Variants in NTRK3 observed in about 807,000 individuals in gnomAD.
NTRK3 encodes the protein neurotrophic receptor tyrosine kinase 3.
A neutral mutation model predicts 91.7 loss-of-function variants in NTRK3; 24 were observed. That is an observed-to-expected ratio of 0.26 (90% CI 0.19 to 0.37). The LOEUF is 0.37. Among genes scored for constraint, NTRK3 ranks in the 10% least tolerant of loss-of-function variants. The pLI is 1.00. For synonymous variants in NTRK3, 483 were observed against 404.0 expected, an observed-to-expected ratio of 1.20 and a Z score of -2.34; for missense variants, 880 against 1,068.9, an observed-to-expected ratio of 0.82 and a Z score of 2.46.
At chr15:87,935,735 G>A (rs754360349) in intron 15 of NTRK3, among the ~76,000 whole-genome samples, 13 of 152,164 alleles carry the variant, frequency 8.5e-5, no homozygotes, top group Admixed American at 3.9e-4. Flanking sequence ...CAGTCTGGAC[G>A]TCAATGACAG....
intron 14 of NTRK3, among the ~76,000 whole-genome samples, chr15:88,027,529 C>T (rs1328150551): frequency 6.6e-6 from 1 of 152,156 alleles, no homozygotes; most frequent in Non-Finnish European, 1.5e-5. Context: ...ACTACAGGCA[C>T]CTGCCACCAT....
chr15:88,047,976 T>C (rs1157429170), intron 13 of NTRK3, among the ~76,000 whole-genome samples: 1 of 152,218 alleles, frequency 6.6e-6, no homozygotes, highest in Non-Finnish European at 1.5e-5. Context: ...CTAGCCAACA[T>C]GTCTCCATCC....
intron 14 of NTRK3, among the ~76,000 whole-genome samples, chr15:87,997,027 T>G (rs977715908): frequency 1.3e-5 from 2 of 152,324 alleles, no homozygotes; most frequent in African/African-American, 4.8e-5. Flanking sequence ...AAGATGTAAT[T>G]GCTGTGACTA....
intron 10 of NTRK3, among the ~76,000 whole-genome samples, chr15:88,129,928 T>G (rs978289497): frequency 6.6e-6 from 1 of 151,966 alleles, no homozygotes. Context: ...TTAGGGTGAG[T>G]CCTAATCAAA....
chr15:87,881,569 G>A (rs189670307), intron 17 of NTRK3, among the ~76,000 whole-genome samples: 1 of 151,816 alleles, frequency 6.6e-6, no homozygotes, highest in African/African-American at 2.4e-5. Flanking sequence ...ACAGGTGCCC[G>A]CTGCCACACC....
intron 10 of NTRK3, among the ~76,000 whole-genome samples, chr15:88,132,460 T>A (rs1475687418): frequency 6.6e-6 from 1 of 152,178 alleles, no homozygotes; most frequent in African/African-American, 2.4e-5. Context: ...CTAAGCCCCA[T>A]GCTAGGAGCC....
chr15:88,096,084 G>T (rs951417806), intron 13 of NTRK3, among the ~76,000 whole-genome samples: 10 of 152,162 alleles, frequency 6.6e-5, no homozygotes, highest in Non-Finnish European at 1.5e-4. Flanking sequence ...CTAAAAGGAA[G>T]CCAAAGTGAC....
chr15:87,911,069 A>G (rs2067062797), intron 17 of NTRK3, among the ~76,000 whole-genome samples: 1 of 152,138 alleles, frequency 6.6e-6, no homozygotes, highest in African/African-American at 2.4e-5. Flanking sequence ...TAGATTGTGG[A>G]TTTTTAGAGT....
At chr15:88,058,015 C>G (rs2045879300) in intron 13 of NTRK3, among the ~76,000 whole-genome samples, 1 of 152,196 alleles carries the variant, frequency 6.6e-6, no homozygotes, top group South Asian at 2.1e-4. Context: ...TGCTCAGACC[C>G]CAGAAGCCAC....
At chr15:88,142,092 T>C (rs2151270376) in intron 6 of NTRK3, among the ~76,000 whole-genome samples, 1 of 151,980 alleles carries the variant, frequency 6.6e-6, no homozygotes, top group South Asian at 2.1e-4. Flanking sequence ...ACAATCGTCT[T>C]TATATCCGGA....
chr15:88,024,969 T>G (rs778546849), intron 14 of NTRK3, among the ~76,000 whole-genome samples: 20 of 152,168 alleles, frequency 1.3e-4, no homozygotes, highest in Non-Finnish European at 2.2e-4. Context: ...GAATATCCAA[T>G]AAGAATTACA....
chr15:88,086,005 T>C (rs761487387), intron 13 of NTRK3, among the ~76,000 whole-genome samples: 2 of 152,206 alleles, frequency 1.3e-5, no homozygotes, highest in African/African-American at 2.4e-5. Flanking sequence ...GGCATCACAG[T>C]CTAAGAGGCA....
In NTRK3 at chr15:87,912,822, T is replaced by C. The variant is rs375049062; in HGVS notation, c.2133+16369A>G. Among the ~76,000 whole-genome samples, 22 of 151,614 alleles carry C rather than the reference T, an allele frequency of 1.5e-4. No individual in the cohort carries two copies. The East Asian group carries it at 3.5e-3, about 24-fold the overall frequency. ...AGTTGGGTGGAGTAATAAAAATGCA[T>C]AGACCATATCCAGAGAATGTTGATA... On this transcript the variant is annotated intron_variant, in intron 17 of 18. Coordinates refer to ENST00000394480, the Ensembl canonical transcript of NTRK3.
At chr15:88,007,287 G>A (rs1166983876) in intron 14 of NTRK3, among the ~76,000 whole-genome samples, 2 of 152,194 alleles carry the variant, frequency 1.3e-5, no homozygotes, top group Admixed American at 6.5e-5. Flanking sequence ...ACCAGTAGTC[G>A]GCAGGGTGGA....
At chr15:88,101,203 G>A (rs1437244382) in intron 13 of NTRK3, among the ~76,000 whole-genome samples, 14 of 152,226 alleles carry the variant, frequency 9.2e-5, no homozygotes, top group East Asian at 1.9e-4. Flanking sequence ...AAAAGTGGGC[G>A]AAGGATATGA....
rs183967242 is a variant in NTRK3, at chr15:88,095,119, C to A, written c.1396+31152G>T. Among the ~76,000 whole-genome samples the A allele has an allele frequency of 5.1e-4, 78 of 152,324 alleles. No individual in the cohort carries two copies. In the East Asian group the frequency reaches 0.013, roughly 25 times the overall value. On this transcript the variant is annotated intron_variant, in intron 13 of 18. Coordinates refer to ENST00000394480, the Ensembl canonical transcript of NTRK3. ...TGCCTTGGCAGCAATGACATTCAAT[C>A]ACTGCAAGAAGGAAGAGTGAGAACA...
At chr15:88,214,964 G>T (rs993234536) in intron 3 of NTRK3, among the ~76,000 whole-genome samples, 1 of 152,180 alleles carries the variant, frequency 6.6e-6, no homozygotes, top group Non-Finnish European at 1.5e-5. Flanking sequence ...TCTGGGCCTT[G>T]CCCTGCTCCC....
chr15:87,904,884 CT>C (rs1320152441), intron 17 of NTRK3, among the ~76,000 whole-genome samples: 1 of 152,178 alleles, frequency 6.6e-6, no homozygotes. Context: ...AGCTAATTTG[CT>C]TGCTTATTTG....
chr15:88,023,245 A>G (rs1352600196), intron 14 of NTRK3, among the ~76,000 whole-genome samples: 1 of 152,162 alleles, frequency 6.6e-6, no homozygotes, highest in Non-Finnish European at 1.5e-5. Flanking sequence ...GGCTCCCAAG[A>G]TATCTCATTC....
Sources: allele counts gnomAD v4.1 joint callset (sites outside exome capture counted in the v4.1 genomes callset), GRCh38; gene constraint gnomAD v4.1.1; transcripts MANE v1.5; gene names NCBI Gene and HGNC (gene_info 2026-07-23, HGNC 2026-07-21).